TONSL: variants seen among roughly 807,000 people sequenced by gnomAD.
TONSL encodes tonsoku-like protein.
Under a neutral mutation model 147.1 loss-of-function variants are expected in TONSL, and 112 were observed. The observed-to-expected ratio is 0.76, with a 90% CI of 0.65 to 0.89. TONSL has a LOEUF of 0.89. Ranked by LOEUF, TONSL falls within the 40% of genes least tolerant of loss-of-function variation. The pLI, the probability that TONSL is intolerant of heterozygous loss-of-function variation, is 0.00. For missense variants in TONSL, 1,883 were observed against 1,864.6 expected, an observed-to-expected ratio of 1.01 and a Z score of -0.18; for synonymous variants, 868 against 801.5, an observed-to-expected ratio of 1.08 and a Z score of -1.40.
chr8:144,432,255 G>GT, intron 23 of TONSL, 30 bp downstream of exon 23: 1 of 1,609,588 alleles, frequency 6.2e-7, no homozygotes, highest in African/African-American at 1.3e-5. Flanking sequence ...CTGAGGCTCA[G>GT]TATTTTCTGG....
rs1288438519 is a variant in TONSL, at chr8:144,436,187, C to T, written c.2246G>A (p.Ser749Asn). The change falls in exon 17 of 26, where the codon AGC (serine) becomes AAC (asparagine). Residue 749 changes from serine (S) to asparagine (N), a missense_variant. Physicochemically the swap from Ser to Asn is conservative, Grantham distance 46. Coordinates refer to ENST00000409379, the MANE Select transcript of TONSL (RefSeq NM_013432.5). Reference sequence around the variant, plus strand: ...CTGGGACGGCCGTGCGGGGCCTGCGCTGTCCTCGCCTTCTGAGCTGCTGCT... The same window carrying T: ...CTGGGACGGCCGTGCGGGGCCTGCGTTGTCCTCGCCTTCTGAGCTGCTGCT... ...SSSSSSEGED[S>N]AGPARPSQKR... is the part of the protein sequence containing the mutation. 9 of 1,571,306 alleles carry T rather than the reference C, an allele frequency of 5.7e-6. No homozygotes were observed. The East Asian group carries it at 9.1e-5, about 16-fold the overall frequency.
At position 144,429,028 on chromosome 8, in the gene TONSL, A is replaced by T; in HGVS notation, c.*115T>A. ...ATGGTCTCGATCTCCTGACCTCGTG[A>T]TCCGCCCGCCTGGGCCTCCCAAAGT... On this transcript the variant is annotated 3_prime_UTR_variant, in exon 26 of 26. Coordinates refer to ENST00000409379, the MANE Select transcript of TONSL (RefSeq NM_013432.5). The T allele has an allele frequency of 8.1e-7, 1 of 1,228,674 alleles. No homozygotes were observed. Among genetic ancestry groups the T allele is most frequent in the Non-Finnish European group, 1.1e-6 (1 of 924,530 alleles). 76.1% of individuals were successfully genotyped at this position (1,228,674 alleles called of 1,614,324 possible). A position where few individuals can be genotyped will look rare whatever the true frequency, so the allele number is the denominator to read the frequency against.
chr8:144,433,466 C>T, intron 22 of TONSL, 122 bp downstream of exon 22: 1 of 973,894 alleles, frequency 1.0e-6, no homozygotes, highest in South Asian at 1.6e-5. Context: ...GCCTCAGCCT[C>T]TCAAGTAGCT....
At chr8:144,431,442 C>T (rs1554878645) in intron 23 of TONSL, among the ~76,000 whole-genome samples, 1 of 152,198 alleles carries the variant, frequency 6.6e-6, no homozygotes, top group East Asian at 1.9e-4. Context: ...AGTCCCGGGT[C>T]CTATCTGGTG....
intron 23 of TONSL, 143 bp downstream of exon 23, chr8:144,432,142 T>TAAACTTCC (rs1210132969): frequency 2.0e-6 from 2 of 988,908 alleles, no homozygotes; most frequent in African/African-American, 3.3e-5. Context: ...CTGTTTTTTC[T>TAAACTTCC]AAACCTCCAA....
chr8:144,442,007 C>T, intron 7 of TONSL, 30 bp downstream of exon 7: 1 of 1,599,070 alleles, frequency 6.3e-7, no homozygotes, highest in Non-Finnish European at 8.6e-7. Flanking sequence ...CACACACCTC[C>T]CAGGGCCCCA....
At position 144,442,281 on chromosome 8, in the gene TONSL, TTCC is replaced by T. The variant is rs1823749640; in HGVS notation, c.707_709del (p.Arg236del). On this transcript the variant is annotated inframe_deletion, in exon 6 of 26. Coordinates refer to ENST00000409379, the MANE Select transcript of TONSL (RefSeq NM_013432.5). Reference sequence around the variant, plus strand: ...GCAGCACTCGCTCTCCATGAACCGCTTCCTCATGGTGTGCGCACACTCCCGGGC... The same window carrying T: ...GCAGCACTCGCTCTCCATGAACCGCTTCATGGTGTGCGCACACTCCCGGGC... The T allele has an allele frequency of 1.3e-6, 2 of 1,596,246 alleles. No individual in the cohort carries two copies. Among genetic ancestry groups the T allele is most frequent in the Non-Finnish European group, 1.7e-6 (2 of 1,167,594 alleles).
At chr8:144,442,631 A>G (rs1263957693) in intron 5 of TONSL, 46 bp downstream of exon 5, 6 of 1,591,192 alleles carry the variant, frequency 3.8e-6, no homozygotes, top group Non-Finnish European at 5.1e-6. Context: ...TACTTCCTCC[A>G]GGAACAAGGG....
At chr8:144,443,102 G>A in intron 4 of TONSL, 36 bp downstream of exon 4, 2 of 1,540,122 alleles carry the variant, frequency 1.3e-6, no homozygotes, top group Non-Finnish European at 1.8e-6. Context: ...TCGGCCCGAA[G>A]TTCAGGAGGC....
rs1376428776 is a variant in TONSL at position 144,436,089 on chromosome 8, C to T, written c.2344G>A (p.Ala782Thr). The change falls in exon 17 of 26, where the codon GCA becomes ACA. Residue 782 changes from alanine (A) to threonine (T), a missense_variant. Coordinates refer to ENST00000409379, the MANE Select transcript of TONSL (RefSeq NM_013432.5). Reference sequence around the variant, plus strand: ...GCCCGGCTGGTGCTGGCTGTGGCTGCTTCCCTGTTGCTGGCGGGGCCAGGC... The same window carrying T: ...GCCCGGCTGGTGCTGGCTGTGGCTGTTTCCCTGTTGCTGGCGGGGCCAGGC... ...WTPGPASNRE[A>T]ATASTSRAAY... 1 of 1,568,850 alleles carries T rather than the reference C, an allele frequency of 6.4e-7. No individual in the cohort carries two copies. Among genetic ancestry groups the T allele is most frequent in the Non-Finnish European group, 8.6e-7 (1 of 1,164,672 alleles).
intron 2 of TONSL, 75 bp from the exon 3 acceptor site, chr8:144,444,099 A>C: frequency 7.6e-7 from 1 of 1,318,446 alleles, no homozygotes; most frequent in Non-Finnish European, 9.6e-7. Context: ...CTGCCGGAAG[A>C]GCCCGTCGCC....
chr8:144,442,383 C>G lies in TONSL; in HGVS notation c.608G>C (p.Arg203Pro). 6.4e-7 allele frequency: 1 copy of G among 1,568,850 alleles called. No homozygotes were observed. The highest frequency in any genetic ancestry group is 1.1e-5 in the South Asian group (1 of 87,014). The change falls in exon 6 of 26, where the codon CGC (arginine) becomes CCC (proline). Residue 203 changes from arginine to proline, a missense_variant. Coordinates refer to ENST00000409379, the MANE Select transcript of TONSL (RefSeq NM_013432.5). ...EQNHLYEDLF[R>P]ARYNLGTIHW... ...GATGGTGCCCAGGTTGTAGCGGGCGCGGAATAGGTCCTCGTAAAGGTGGTT... is the reference window on the plus strand; with the variant it reads ...GATGGTGCCCAGGTTGTAGCGGGCGGGGAATAGGTCCTCGTAAAGGTGGTT...
In TONSL at chr8:144,438,462, G is replaced by A. The variant is rs1022798179; in HGVS notation, c.1653+9C>T. 54 of 1,611,448 alleles carry A rather than the reference G, an allele frequency of 3.4e-5. No homozygotes were observed. Among genetic ancestry groups the A allele is most frequent in the East Asian group, 6.7e-5 (3 of 44,854 alleles). On this transcript the variant is annotated intron_variant, in intron 13 of 25. Coordinates refer to ENST00000409379, the MANE Select transcript of TONSL (RefSeq NM_013432.5). ...GGCAGCCTGTCCCACGTCCCAGAGC[G>A]GGGCCCACCTGCCTCACAAGGTCCT...
At chr8:144,434,424 G>T in intron 20 of TONSL, 145 bp from the exon 21 acceptor site, 1 of 731,134 alleles carries the variant, frequency 1.4e-6, no homozygotes, top group Non-Finnish European at 2.1e-6. Context: ...CATGCCTGTG[G>T]GTCTAGCACT....
At position 144,436,144 on chromosome 8, in the gene TONSL, C is replaced by G. The variant is rs770552418; in HGVS notation, c.2289G>C (p.Ser763=). 6.4e-7 allele frequency: 1 copy of G among 1,565,538 alleles called. No homozygotes were observed. The highest frequency in any genetic ancestry group is 8.6e-7 in the Non-Finnish European group (1 of 1,162,336). ...AGGCTGCCACCCGTTGTGCTGTGGC[C>G]GAGCACCGAGGCCTCTTCTGGGACG... ...ARPSQKRPRC[S]ATAQRVAAWT... Residue 763 remains serine (S), a synonymous_variant, in exon 17 of 26, where the codon TCG becomes TCC. Transcript: ENST00000409379.
At chr8:144,443,107 G>C in intron 4 of TONSL, 31 bp downstream of exon 4, 1 of 1,540,332 alleles carries the variant, frequency 6.5e-7, no homozygotes, top group Non-Finnish European at 8.8e-7. Flanking sequence ...CCGAAGTTCA[G>C]GAGGCAGAAA....
rs782512578 is a variant in TONSL, at chr8:144,432,299, G to A, written c.3721C>T (p.Arg1241Ter). Residue 1241 changes from arginine to a stop codon, truncating the protein, a stop_gained, in exon 23 of 26, where the codon CGA (arginine) becomes TGA (stop). Coordinates refer to ENST00000409379, the MANE Select transcript of TONSL (RefSeq NM_013432.5). LOFTEE classifies it high-confidence loss of function. The part of the protein sequence containing the change: ...GDSDLMEPVF[R>*]YLAKEGCALA... ...CCACCTCGTACCTTGGCCAGGTATC[G>A]GAATACAGGCTCCATGAGGTCCGAA... is the stretch of plus-strand genomic sequence containing the variant. 1.1e-5 allele frequency: 18 copies of A among 1,613,740 alleles called. No homozygotes were observed. Among genetic ancestry groups the A allele is most frequent in the South Asian group, 5.5e-5 (5 of 91,072 alleles).
At chr8:144,441,645 C>CTCA in intron 7 of TONSL, 2 of 214,224 alleles carry the variant, frequency 9.3e-6, no homozygotes, top group South Asian at 1.4e-4. Flanking sequence ...TAAGGGCTGA[C>CTCA]GGCTGCCAAC....
rs1823384596 is a variant in TONSL at position 144,435,104 on chromosome 8, C to G, written c.2919G>C (p.Gly973=). ...QAAQRYYQTC[G]LLPRLTLRKE... The stretch of plus-strand genomic sequence containing the variant: ...TCCGTAGGGTGAGCCTGGGCAGCAG[C>G]CCGCAGGTCTGGTAGTAGCGCTGGG... Residue 973 remains glycine (G), a synonymous_variant, in exon 19 of 26, where the codon GGG becomes GGC. Transcript: ENST00000409379. 1.2e-6 allele frequency: 2 copies of G among 1,600,096 alleles called. No homozygotes were observed. The highest frequency in any genetic ancestry group is 2.2e-5 in the South Asian group (2 of 89,306).
Sources: gnomAD v4.1 joint callset for allele counts (sites outside exome capture counted in the v4.1 genomes callset) on GRCh38, gnomAD v4.1.1 for gene constraint, MANE v1.5 for transcripts, NCBI Gene and HGNC (gene_info 2026-07-23, HGNC 2026-07-21) for gene names.